Variants in BACH1 observed in about 807,000 individuals in gnomAD.
The protein encoded by BACH1 is BTB domain and CNC homolog 1.
In BACH1, 35 loss-of-function variants were observed where a neutral mutation model predicts 52.9. That is an observed-to-expected ratio of 0.66 (90% confidence interval 0.51 to 0.88). BACH1 has a LOEUF of 0.88. Ranked by LOEUF, BACH1 falls within the 40% of genes least tolerant of loss-of-function variation. The pLI, the probability that BACH1 is intolerant of heterozygous loss-of-function variation, is 0.00. For synonymous variants in BACH1, 321 were observed against 319.6 expected (o/e 1.00, Z -0.05); for missense variants, 808 against 872.6 (o/e 0.93, Z 0.93).
chr21:29,315,494 AC>A (rs1049979334), intron 1 of BACH1, among the ~76,000 whole-genome samples: 11 of 152,188 alleles, frequency 7.2e-5, no homozygotes, highest in Admixed American at 5.2e-4. Context: ...CCAAATAGCC[AC>A]TAGAAATGCG....
intron 2 of BACH1, among the ~76,000 whole-genome samples, chr21:29,323,114 A>C (rs1375388153): frequency 6.6e-6 from 1 of 152,174 alleles, no homozygotes. Flanking sequence ...TATCCTAAAG[A>C]CCTTTTTAGA....
At chr21:29,331,351 T>G (rs1470439910) in intron 4 of BACH1, among the ~76,000 whole-genome samples, 1 of 152,232 alleles carries the variant, frequency 6.6e-6, no homozygotes, top group Non-Finnish European at 1.5e-5. Context: ...TTATCCAGTT[T>G]TCTTACTCCT....
At chr21:29,332,752 C>T (rs1456626658) in intron 4 of BACH1, among the ~76,000 whole-genome samples, 2 of 152,232 alleles carry the variant, frequency 1.3e-5, no homozygotes, top group African/African-American at 2.4e-5. Flanking sequence ...CAGTCAGAGA[C>T]TACTGTTTTA....
chr21:29,338,744 A>G (rs2089075013), intron 4 of BACH1, among the ~76,000 whole-genome samples: 1 of 152,212 alleles, frequency 6.6e-6, no homozygotes, highest in South Asian at 2.1e-4. Context: ...TTTAAAAAAT[A>G]TATACTCCAA....
At chr21:29,338,268 T>A (rs2089068943) in intron 4 of BACH1, among the ~76,000 whole-genome samples, 1 of 152,248 alleles carries the variant, frequency 6.6e-6, no homozygotes, top group Non-Finnish European at 1.5e-5. Context: ...TTTATTTGCT[T>A]TTTTATGCTT....
intron 3 of BACH1, 30 bp from the exon 4 acceptor site, chr21:29,329,457 A>G (rs770070581): frequency 2.1e-5 from 31 of 1,458,478 alleles, no homozygotes; most frequent in Non-Finnish European, 2.6e-5. Context: ...AAATACAGCA[A>G]TAATTAGTAA....
chr21:29,312,384 G>C (rs558466773), intron 1 of BACH1, among the ~76,000 whole-genome samples: 1 of 152,174 alleles, frequency 6.6e-6, no homozygotes, highest in Non-Finnish European at 1.5e-5. Flanking sequence ...ATGGGAATGA[G>C]ATGAGGATAC....
chr21:29,349,104 A>G (rs1277984796), downstream of BACH1, among the ~76,000 whole-genome samples: 1 of 152,048 alleles, frequency 6.6e-6, no homozygotes, highest in Admixed American at 6.5e-5. Flanking sequence ...AAAAAAAAAA[A>G]AAAAATCTAT....
intron 2 of BACH1, among the ~76,000 whole-genome samples, chr21:29,322,008 C>T (rs957148621): frequency 6.6e-6 from 1 of 152,002 alleles, no homozygotes; most frequent in Non-Finnish European, 1.5e-5. Flanking sequence ...TGGTGGAAGA[C>T]GAAGGAAAAG....
At chr21:29,312,205 T>C (rs2088731954) in intron 1 of BACH1, among the ~76,000 whole-genome samples, 1 of 152,176 alleles carries the variant, frequency 6.6e-6, no homozygotes, top group Non-Finnish European at 1.5e-5. Flanking sequence ...TGGGAAATTT[T>C]ACGTGTTGGG....
At chr21:29,358,769 GAAA>G (rs372288910) in intron 2 of BACH1, among the ~76,000 whole-genome samples, 1 of 31,142 alleles carries the variant, frequency 3.2e-5, no homozygotes, top group Non-Finnish European at 8.1e-5. Flanking sequence ...GAAAAGAAAA[GAAA>G]AGAAAGAAAG....
intron 2 of BACH1, among the ~76,000 whole-genome samples, chr21:29,323,609 C>G (rs1027000011): frequency 3.3e-5 from 5 of 152,246 alleles, no homozygotes; most frequent in Middle Eastern, 3.4e-3. Flanking sequence ...TCTTCCTCTC[C>G]CAGTCCACTG....
Position 29,329,693 on chromosome 21 carries a change from G to T in BACH1, c.1776G>T (p.Leu592=). ...IQNLESEIEK[L]QSEKESLLKE... ...ATCTTGAATCAGAAATTGAGAAGCT[G>T]GTAAGTGTAAAAGTTTCTTGTTACT... The change falls in exon 4 of 5, where the codon CTG becomes CTT. Residue 592 remains leucine (L), a splice_region_variant and synonymous_variant. Transcript: ENST00000286800. The T allele has an allele frequency of 1.3e-6, 2 of 1,506,912 alleles. No individual in the cohort carries two copies. The highest frequency in any genetic ancestry group is 1.8e-6 in the Non-Finnish European group (2 of 1,127,322). 93.3% of individuals were successfully genotyped at this position (1,506,912 alleles called of 1,614,324 possible).
chr21:29,360,253 A>G (rs1004817531), intron 2 of BACH1, among the ~76,000 whole-genome samples: 1 of 152,236 alleles, frequency 6.6e-6, no homozygotes, highest in African/African-American at 2.4e-5. Flanking sequence ...TGACGCTGTC[A>G]TAGGCACGTC....
intron 4 of BACH1, among the ~76,000 whole-genome samples, chr21:29,336,858 G>A (rs1307194541): frequency 6.6e-6 from 1 of 152,006 alleles, no homozygotes; most frequent in African/African-American, 2.4e-5. Context: ...TTTTAGAAGT[G>A]ATGGGTTTTC....
At chr21:29,319,813 T>G (rs545208701) in intron 1 of BACH1, among the ~76,000 whole-genome samples, 1 of 151,124 alleles carries the variant, frequency 6.6e-6, no homozygotes, top group Non-Finnish European at 1.5e-5. Context: ...GGGTATAGTC[T>G]TGAAGAAAGA....
intron 1 of BACH1, among the ~76,000 whole-genome samples, chr21:29,314,058 T>C (rs921167038): frequency 6.6e-6 from 1 of 152,224 alleles, no homozygotes; most frequent in Non-Finnish European, 1.5e-5. Context: ...GCTTTATTGA[T>C]GTGGACCAAT....
At position 29,326,186 on chromosome 21, in the gene BACH1, C is replaced by A. The variant is rs200941692; in HGVS notation, c.362C>A (p.Ser121Tyr). ...TTAAGTGTACATAATATTGAGGAAT[C>A]CTGCTTTCAGTTTCTGAAATTTAAG... ...EFLSVHNIEESCFQFLKFKFL... is the reference protein window; with the variant it reads ...EFLSVHNIEEYCFQFLKFKFL... The change falls in exon 3 of 5, where the codon TCC (serine) becomes TAC (tyrosine). Residue 121 changes from serine (S) to tyrosine (Y), a missense_variant. Transcript: ENST00000286800. 1.2e-6 allele frequency: 2 copies of A among 1,614,028 alleles called. No individual in the cohort carries two copies. Among genetic ancestry groups the A allele is most frequent in the Non-Finnish European group, 1.7e-6 (2 of 1,180,032 alleles).
Position 29,343,086 on chromosome 21 carries a change from GAAT to G in BACH1, c.*259_*261del. 1 of 326,862 alleles carries G rather than the reference GAAT, an allele frequency of 3.1e-6. No individual in the cohort carries two copies. 20.2% of individuals were successfully genotyped at this position (326,862 alleles called of 1,614,324 possible). ...AAACCTTTAAAACTCATGTTTTAAA[GAAT>G]AATAACTCTAGTAATAACTCTTCCT... On this transcript the variant is annotated 3_prime_UTR_variant, in exon 5 of 5. Coordinates refer to ENST00000286800, the MANE Select transcript of BACH1 (RefSeq NM_001186.4).
Sources: allele counts gnomAD v4.1 joint callset (sites outside exome capture counted in the v4.1 genomes callset), GRCh38; gene constraint gnomAD v4.1.1; transcripts MANE v1.5; gene names NCBI Gene and HGNC (gene_info 2026-07-23, HGNC 2026-07-21).